POU2AF2: variants seen among roughly 807,000 people sequenced by gnomAD.
POU2AF2 encodes the protein POU class 2 homeobox associating factor 2.
the POU2AF2 span, among the ~76,000 whole-genome samples, chr11:111,268,795 G>A: frequency 2.6e-5 from 4 of 151,808 alleles, no homozygotes; most frequent in South Asian, 2.1e-4. Context: ...TGATCCACCC[G>A]CCTCAGGTTC....
chr11:111,263,513 A>G, the POU2AF2 span, among the ~76,000 whole-genome samples: 2 of 147,150 alleles, frequency 1.4e-5, no homozygotes, highest in African/African-American at 5.0e-5. Flanking sequence ...GCTCACTGCA[A>G]CCTCCACCTC....
At chr11:111,251,042 A>T in the POU2AF2 span, among the ~76,000 whole-genome samples, 1 of 152,126 alleles carries the variant, frequency 6.6e-6, no homozygotes, top group African/African-American at 2.4e-5. Flanking sequence ...ACACAATTGA[A>T]CTTGCGTTTT....
chr11:111,257,976 G>T, the POU2AF2 span, among the ~76,000 whole-genome samples: 1 of 152,072 alleles, frequency 6.6e-6, no homozygotes, highest in South Asian at 2.1e-4. Flanking sequence ...AAATTAGCCC[G>T]GTGTAGTGGC....
the POU2AF2 span, among the ~76,000 whole-genome samples, chr11:111,260,601 G>A: frequency 6.6e-6 from 1 of 152,166 alleles, no homozygotes; most frequent in South Asian, 2.1e-4. Flanking sequence ...AGATTGGAGT[G>A]ATGAGGCCAC....
chr11:111,259,504 C>T, the POU2AF2 span, among the ~76,000 whole-genome samples: 4 of 151,742 alleles, frequency 2.6e-5, no homozygotes, highest in African/African-American at 9.7e-5. Context: ...TTAGTAGAGA[C>T]GGGGTTTCAC....
At chr11:111,245,930 A>G in the POU2AF2 span, 1 of 398,134 alleles carries the variant, frequency 2.5e-6, no homozygotes, top group Non-Finnish European at 4.4e-6. Context: ...TGATAACACA[A>G]AGTCATAACA....
chr11:111,249,303 T>C, the POU2AF2 span, among the ~76,000 whole-genome samples: 1 of 152,162 alleles, frequency 6.6e-6, no homozygotes, highest in African/African-American at 2.4e-5. Context: ...ACTCTAAATA[T>C]CATTCCTCTC....
chr11:111,281,437 C>A, the POU2AF2 span: 1 of 1,613,598 alleles, frequency 6.2e-7, no homozygotes, highest in South Asian at 1.1e-5. Flanking sequence ...TGTGCAGATG[C>A]CAGGTGAGTA....
At chr11:111,286,073 T>C in the POU2AF2 span, 1 of 1,599,236 alleles carries the variant, frequency 6.3e-7, no homozygotes, top group Non-Finnish European at 8.5e-7. Flanking sequence ...CCAAATGACT[T>C]CTGGGTTTTT....
chr11:111,249,103 C>T, the POU2AF2 span, among the ~76,000 whole-genome samples: 3 of 152,170 alleles, frequency 2.0e-5, no homozygotes, highest in African/African-American at 7.2e-5. Context: ...ATTAAATTTG[C>T]TTGTGCTTTC....
chr11:111,251,267 T>C, the POU2AF2 span, among the ~76,000 whole-genome samples: 11 of 152,048 alleles, frequency 7.2e-5, no homozygotes, highest in Non-Finnish European at 1.5e-4. Flanking sequence ...GAATAGGCTG[T>C]GAAAGATGAG....
At chr11:111,263,990 T>A in the POU2AF2 span, among the ~76,000 whole-genome samples, 1 of 152,204 alleles carries the variant, frequency 6.6e-6, no homozygotes, top group African/African-American at 2.4e-5. Context: ...CTCAACTGCA[T>A]GTGAGGAGTG....
the POU2AF2 span, among the ~76,000 whole-genome samples, chr11:111,271,576 C>T: frequency 6.6e-6 from 1 of 152,064 alleles, no homozygotes; most frequent in Non-Finnish European, 1.5e-5. Flanking sequence ...CATGTGCCAC[C>T]ATGCTCAGTT....
chr11:111,271,330 A>T, the POU2AF2 span, among the ~76,000 whole-genome samples: 4,724 of 152,238 alleles, frequency 0.031, 124 homozygotes, highest in Middle Eastern at 0.13. Flanking sequence ...TCTCAAAAAA[A>T]AAAAGAAAGA....
chr11:111,283,832 T>C, the POU2AF2 span, among the ~76,000 whole-genome samples: 1 of 152,164 alleles, frequency 6.6e-6, no homozygotes, highest in Non-Finnish European at 1.5e-5. Context: ...TGTGAATGAA[T>C]GAACAGACAC....
chr11:111,250,054 A>G, the POU2AF2 span, among the ~76,000 whole-genome samples: 1 of 151,978 alleles, frequency 6.6e-6, no homozygotes, highest in Non-Finnish European at 1.5e-5. Context: ...TTTATTTTTT[A>G]TTTTATCATG....
chr11:111,264,570 A>AGAG, the POU2AF2 span, among the ~76,000 whole-genome samples: 7 of 32,276 alleles, frequency 2.2e-4, no homozygotes, highest in African/African-American at 1.0e-3. Flanking sequence ...GAAAGAAAGA[A>AGAG]AGAAAGGGAG....
At chr11:111,272,241 C>T in the POU2AF2 span, among the ~76,000 whole-genome samples, 1 of 152,154 alleles carries the variant, frequency 6.6e-6, no homozygotes, top group Non-Finnish European at 1.5e-5. Flanking sequence ...TGTGCTAAAT[C>T]ACATTCCCCC....
chr11:111,266,958 AG>A, the POU2AF2 span, among the ~76,000 whole-genome samples: 7 of 152,160 alleles, frequency 4.6e-5, no homozygotes, highest in African/African-American at 1.7e-4. Context: ...CCTCCTGCTC[AG>A]CTCTCATGTC....
Sources: allele counts gnomAD v4.1 joint callset (sites outside exome capture counted in the v4.1 genomes callset), GRCh38; gene constraint gnomAD v4.1.1; transcripts MANE v1.5; gene names NCBI Gene and HGNC (gene_info 2026-07-23, HGNC 2026-07-21).